Variants in TRAPPC9 observed in about 807,000 individuals in gnomAD.
TRAPPC9 encodes the protein IKK2 binding protein.
A neutral mutation model predicts 124.0 loss-of-function variants in TRAPPC9; 83 were observed. That is an observed-to-expected ratio of 0.67 (90% CI 0.56 to 0.80). The LOEUF (loss-of-function observed/expected upper bound fraction) is 0.80, where lower values mean the gene tolerates loss of function less well. Among genes scored for constraint, TRAPPC9 ranks in the 30% least tolerant of loss-of-function variants. TRAPPC9 has a pLI of 0.00. For missense variants in TRAPPC9, 1,302 were observed against 1,508.3 expected (o/e 0.86, Z 2.27); for synonymous variants, 638 against 617.5 (o/e 1.03, Z -0.49).
chr8:140,282,651 C>T (rs2065359405), intron 14 of TRAPPC9, among the ~76,000 whole-genome samples: 2 of 151,560 alleles, frequency 1.3e-5, no homozygotes, highest in African/African-American at 4.9e-5. Context: ...TTATGATGCG[C>T]TTTGTTGAAG....
chr8:140,267,481 A>G (rs1259613555), intron 15 of TRAPPC9, among the ~76,000 whole-genome samples: 1 of 152,228 alleles, frequency 6.6e-6, no homozygotes, highest in Non-Finnish European at 1.5e-5. Context: ...TGCGGCAAGC[A>G]TTGCTCTTAG....
intron 19 of TRAPPC9, among the ~76,000 whole-genome samples, chr8:139,915,908 T>C (rs1409317217): frequency 1.3e-5 from 2 of 152,202 alleles, no homozygotes; most frequent in East Asian, 1.9e-4. Flanking sequence ...GGGTCACTGG[T>C]CACCCTGTGA....
intron 21 of TRAPPC9, among the ~76,000 whole-genome samples, chr8:139,801,208 G>A (rs1482085263): frequency 6.6e-6 from 1 of 152,254 alleles, no homozygotes; most frequent in Non-Finnish European, 1.5e-5. Context: ...ATGAGGGTGG[G>A]GACAGACCAC....
At chr8:139,894,468 T>C (rs377737572) in intron 20 of TRAPPC9, among the ~76,000 whole-genome samples, 1 of 152,076 alleles carries the variant, frequency 6.6e-6, no homozygotes, top group African/African-American at 2.4e-5. Context: ...ACTGCTGCGG[T>C]GCCCTGAGTG....
chr8:140,035,841 G>A (rs556365815), intron 17 of TRAPPC9, among the ~76,000 whole-genome samples: 14 of 152,310 alleles, frequency 9.2e-5, no homozygotes, highest in South Asian at 2.1e-4. Flanking sequence ...CAGGCAAGGC[G>A]GTAAACTGAG....
intron 9 of TRAPPC9, among the ~76,000 whole-genome samples, chr8:140,341,672 C>A (rs536372478): frequency 1.3e-5 from 2 of 148,224 alleles, no homozygotes; most frequent in Admixed American, 1.3e-4. Flanking sequence ...TTGTTATATA[C>A]GCATGGGAAA....
chr8:140,034,741 C>G (rs1304352537), intron 17 of TRAPPC9, among the ~76,000 whole-genome samples: 1 of 152,252 alleles, frequency 6.6e-6, no homozygotes, highest in African/African-American at 2.4e-5. Context: ...CACAATGCAG[C>G]ACAGGTATCA....
intron 16 of TRAPPC9, among the ~76,000 whole-genome samples, chr8:140,224,892 T>G (rs7387724): frequency 0.73 from 110,204 of 151,982 alleles, 40,188 homozygotes; most frequent in Admixed American, 0.77. Context: ...TCTGTATACA[T>G]GCAGAGAGCC....
chr8:140,310,637 C>T (rs2066271920), intron 10 of TRAPPC9, among the ~76,000 whole-genome samples: 1 of 152,144 alleles, frequency 6.6e-6, no homozygotes, highest in South Asian at 2.1e-4. Flanking sequence ...AAGGACGGCA[C>T]ATGGCAGCAA....
Position 139,788,511 on chromosome 8 carries a change from G to C in TRAPPC9, c.3056-56309C>G, listed in dbSNP as rs1822429823. 6.6e-6 allele frequency among the ~76,000 whole-genome samples: 1 copy of C among 152,174 alleles called. No homozygotes were observed. Among genetic ancestry groups the C allele is most frequent in the African/African-American group, 2.4e-5 (1 of 41,454 alleles). On this transcript the variant is annotated intron_variant, in intron 21 of 22. Coordinates refer to ENST00000438773, the MANE Select transcript of TRAPPC9 (RefSeq NM_001160372.4). This position sits in a 1 kb window ranked among gnomAD's most constrained non-coding sequence, Gnocchi z 4.9. ...ACCCTCCAGGCACAGCCAGCCATCG[G>C]GCGGCCCATGGTCCTGGGGCATGGC...
chr8:140,113,108 A>G (rs2060813366), intron 17 of TRAPPC9, among the ~76,000 whole-genome samples: 1 of 152,230 alleles, frequency 6.6e-6, no homozygotes, highest in South Asian at 2.1e-4. Context: ...GGTTGGAAAT[A>G]TGTCTAGTAT....
At chr8:140,408,634 C>T (rs565099935) in intron 5 of TRAPPC9, among the ~76,000 whole-genome samples, 1 of 152,130 alleles carries the variant, frequency 6.6e-6, no homozygotes, top group Non-Finnish European at 1.5e-5. Flanking sequence ...AAAAACCCTG[C>T]TACGTGGGCA....
chr8:140,326,183 G>A (rs1005989334), intron 9 of TRAPPC9, among the ~76,000 whole-genome samples: 99 of 148,192 alleles, frequency 6.7e-4, no homozygotes, highest in African/African-American at 2.1e-3. Flanking sequence ...TCAGGAGATC[G>A]AGACCATCCT....
intron 17 of TRAPPC9, among the ~76,000 whole-genome samples, chr8:140,185,474 GGGC>G (rs2131041530): frequency 6.6e-6 from 1 of 152,342 alleles, no homozygotes; most frequent in Non-Finnish European, 1.5e-5. Context: ...AGGCCTAACA[GGGC>G]AGCTCTAGGG....
At chr8:139,813,697 C>T (rs1469792533) in intron 21 of TRAPPC9, among the ~76,000 whole-genome samples, 4 of 152,224 alleles carry the variant, frequency 2.6e-5, no homozygotes, top group African/African-American at 7.2e-5. Flanking sequence ...GCAAGGCAGG[C>T]TTCCTGGGGT....
At chr8:140,283,739 C>T (rs370964429) in intron 14 of TRAPPC9, 150 bp downstream of exon 14, 22 of 799,036 alleles carry the variant, frequency 2.8e-5, no homozygotes, top group African/African-American at 1.0e-4. Flanking sequence ...TTAAGCAAAG[C>T]GTATTGATGT....
chr8:140,354,784 A>G (rs1174673012), intron 9 of TRAPPC9, among the ~76,000 whole-genome samples: 1 of 152,264 alleles, frequency 6.6e-6, no homozygotes, highest in Non-Finnish European at 1.5e-5. Flanking sequence ...CATCATTAAA[A>G]ATAACAAACC....
intron 18 of TRAPPC9, among the ~76,000 whole-genome samples, chr8:139,990,823 G>A (rs1017890221): frequency 6.6e-6 from 1 of 151,950 alleles, no homozygotes; most frequent in Non-Finnish European, 1.5e-5. Context: ...CTGACCTCAG[G>A]TGATCTGCCC....
At position 140,252,440 on chromosome 8, in the gene TRAPPC9, C is replaced by A; in HGVS notation, c.2431+337G>T. On this transcript the variant is annotated intron_variant, in intron 16 of 22. Transcript: ENST00000438773. This position sits in a 1 kb window ranked among gnomAD's most constrained non-coding sequence, Gnocchi z 4.2. ...ATCAGACTTTGAAGGAAAACTTTAT[C>A]ATCACAGCTAATTAGATGTCTAAAG... 3.1e-6 allele frequency: 1 copy of A among 321,386 alleles called. No homozygotes were observed. The highest frequency in any genetic ancestry group is 3.2e-5 in the South Asian group (1 of 31,098). 19.9% of individuals were successfully genotyped at this position (321,386 alleles called of 1,614,324 possible).
Sources: gnomAD v4.1 joint callset for allele counts (sites outside exome capture counted in the v4.1 genomes callset) on GRCh38, gnomAD v4.1.1 for gene constraint, Gnocchi (gnomAD v3.1) non-coding constraint, MANE v1.5 for transcripts, NCBI Gene and HGNC (gene_info 2026-07-23, HGNC 2026-07-21) for gene names.